The following CPNE4 variants were observed in gnomAD, a reference collection of about 807,000 sequenced individuals.
CPNE4 encodes the protein copine 4.
CPNE4 carries 25 observed loss-of-function variants against 67.9 expected under a neutral mutation model. The ratio of observed to expected loss-of-function variants is 0.37; its 90% CI spans 0.27 to 0.51. The LOEUF is 0.51. Among genes scored for constraint, CPNE4 ranks in the 20% least tolerant of loss-of-function variants. The pLI, the probability that CPNE4 is intolerant of heterozygous loss-of-function variation, is 0.93. For synonymous variants in CPNE4, 242 were observed against 244.9 expected, an observed-to-expected ratio of 0.99 and a Z score of 0.11; for missense variants, 464 against 690.8, an observed-to-expected ratio of 0.67 and a Z score of 3.68.
At position 131,675,071 on chromosome 3, in the gene CPNE4, T is replaced by C. The variant is rs2080522914; in HGVS notation, c.592-5307A>G. 5.9e-5 allele frequency among the ~76,000 whole-genome samples: 9 copies of C among 152,160 alleles called. 1 individual carries two copies. In the South Asian group the frequency reaches 1.9e-3, roughly 31 times the overall value. Reference sequence around the variant, plus strand: ...CTTCTTAATTTCTTCATTGATCCACTGGTCATTCAGGAGCATATTGCTTGA... The same window carrying C: ...CTTCTTAATTTCTTCATTGATCCACCGGTCATTCAGGAGCATATTGCTTGA... On this transcript the variant is annotated intron_variant, in intron 6 of 15. Transcript: ENST00000429747.
intron 1 of CPNE4, among the ~76,000 whole-genome samples, chr3:131,938,614 T>C (rs912542097): frequency 1.3e-5 from 2 of 152,028 alleles, no homozygotes; most frequent in Non-Finnish European, 2.9e-5. Flanking sequence ...AGGCACCTTC[T>C]TCACAGGCAG....
intron 5 of CPNE4, 57 bp downstream of exon 5, chr3:131,696,485 T>A (rs750454987): frequency 9.3e-6 from 14 of 1,504,634 alleles, no homozygotes; most frequent in Non-Finnish European, 1.2e-5. Flanking sequence ...GAAATCTGAT[T>A]AAACTGTGTG....
chr3:131,596,669 T>G (rs1325870457), intron 7 of CPNE4, among the ~76,000 whole-genome samples: 2 of 149,532 alleles, frequency 1.3e-5, no homozygotes, highest in African/African-American at 4.9e-5. Context: ...AAAGCAAATT[T>G]TTTTCAATAA....
chr3:131,776,200 A>G (rs2083285947), intron 2 of CPNE4, among the ~76,000 whole-genome samples: 1 of 138,324 alleles, frequency 7.2e-6, no homozygotes. Flanking sequence ...GAAGCATCTT[A>G]CTCAGTTGGT....
At chr3:131,880,978 G>C (rs1375482176) in intron 2 of CPNE4, among the ~76,000 whole-genome samples, 1 of 152,184 alleles carries the variant, frequency 6.6e-6, no homozygotes, top group African/African-American at 2.4e-5. Flanking sequence ...TCTGGGAGCT[G>C]ACTTAGTGCT....
chr3:131,714,700 C>T (rs560154337), intron 3 of CPNE4, among the ~76,000 whole-genome samples: 1 of 152,288 alleles, frequency 6.6e-6, no homozygotes, highest in African/African-American at 2.4e-5. Flanking sequence ...TATTGAATCT[C>T]TCCCTAGATC....
intron 7 of CPNE4, among the ~76,000 whole-genome samples, chr3:131,650,554 G>A (rs140230849): frequency 0.019 from 2,705 of 142,638 alleles, 124 homozygotes; most frequent in African/African-American, 0.049. Flanking sequence ...TCGGGAGATC[G>A]AGACCACGGT....
intron 2 of CPNE4, among the ~76,000 whole-genome samples, chr3:131,800,442 C>T (rs2084060007): frequency 6.6e-6 from 1 of 152,008 alleles, no homozygotes. Context: ...AACTGCTCAC[C>T]AAATATTTAC....
chr3:131,781,981 G>C (rs1224435313), intron 2 of CPNE4, among the ~76,000 whole-genome samples: 3 of 152,074 alleles, frequency 2.0e-5, no homozygotes, highest in Admixed American at 2.0e-4. Context: ...AGAGTTGTCT[G>C]TTAAATGCTT....
At chr3:132,002,458 C>T (rs1407267911) in intron 1 of CPNE4, among the ~76,000 whole-genome samples, 1 of 152,116 alleles carries the variant, frequency 6.6e-6, no homozygotes, top group Non-Finnish European at 1.5e-5. Context: ...CCACATCTTA[C>T]TCAAATACAT....
At chr3:131,544,702 A>C (rs1935722908) in intron 14 of CPNE4, among the ~76,000 whole-genome samples, 1 of 152,250 alleles carries the variant, frequency 6.6e-6, no homozygotes, top group South Asian at 2.1e-4. Context: ...TGGTTTGGGG[A>C]TGGAGGGAAG....
intron 2 of CPNE4, among the ~76,000 whole-genome samples, chr3:131,813,568 G>A (rs549785994): frequency 2.3e-4 from 34 of 151,088 alleles, no homozygotes; most frequent in South Asian, 6.2e-4. Flanking sequence ...TTTAAAATAT[G>A]AACCAAGATG....
intron 2 of CPNE4, among the ~76,000 whole-genome samples, chr3:131,870,891 G>C (rs1454627440): frequency 6.6e-6 from 1 of 152,168 alleles, no homozygotes; most frequent in East Asian, 1.9e-4. Context: ...AGAAGAGAAG[G>C]CTGGAAGGTA....
Position 131,801,153 on chromosome 3 carries a change from G to A in CPNE4, c.181-77528C>T, listed in dbSNP as rs2084085776. 2.0e-5 allele frequency among the ~76,000 whole-genome samples: 3 copies of A among 151,540 alleles called. No individual in the cohort carries two copies. In the South Asian group the frequency reaches 6.3e-4, roughly 32 times the overall value. ...GTAGCCTCCATCATTTTTTCAAAGG[G>A]CCTTGGAGAAATAAACTGCTTCTAT... On this transcript the variant is annotated intron_variant, in intron 2 of 15. Coordinates refer to ENST00000429747, the MANE Select transcript of CPNE4 (RefSeq NM_130808.3).
intron 9 of CPNE4, among the ~76,000 whole-genome samples, chr3:131,579,776 C>G (rs1937670569): frequency 6.6e-6 from 1 of 152,164 alleles, no homozygotes; most frequent in Non-Finnish European, 1.5e-5. Context: ...ATTGCCACAA[C>G]TGATAAAACT....
intron 10 of CPNE4, among the ~76,000 whole-genome samples, chr3:131,567,988 GACA>G (rs955487364): frequency 2.0e-5 from 3 of 151,932 alleles, no homozygotes; most frequent in Non-Finnish European, 2.9e-5. Flanking sequence ...CTACGTCTAT[GACA>G]ACGAGAGAGG....
chr3:131,800,797 T>C (rs1543099), intron 2 of CPNE4, among the ~76,000 whole-genome samples: 52,847 of 152,000 alleles, frequency 0.35, 9,522 homozygotes, highest in African/African-American at 0.44. Flanking sequence ...CCTACTTTGG[T>C]AGCAATGGAA....
At chr3:131,561,143 G>A (rs2171187) in intron 11 of CPNE4, among the ~76,000 whole-genome samples, 152,185 of 152,186 alleles carry the variant, frequency 1, 76,092 homozygotes, top group Non-Finnish European at 1. Flanking sequence ...CATATTTCCA[G>A]GAAATGTACA....
chr3:131,792,745 GTATA>G (rs74206831), intron 2 of CPNE4, among the ~76,000 whole-genome samples: 1 of 102,866 alleles, frequency 9.7e-6, no homozygotes, highest in Non-Finnish European at 2.2e-5. Flanking sequence ...GTGTATATAT[GTATA>G]TATATACACA....
Sources: gnomAD v4.1 joint callset for allele counts (sites outside exome capture counted in the v4.1 genomes callset) on GRCh38, gnomAD v4.1.1 for gene constraint, MANE v1.5 for transcripts, NCBI Gene and HGNC (gene_info 2026-07-23, HGNC 2026-07-21) for gene names.